PFKP: variants seen among roughly 807,000 people sequenced by gnomAD.
The protein encoded by PFKP is ATP-dependent 6-phosphofructokinase, platelet type.
PFKP carries 101 observed loss-of-function variants against 94.3 expected under a neutral mutation model. The observed-to-expected ratio is 1.07, with a 90% CI of 0.91 to 1.26. PFKP has a LOEUF of 1.26. Among genes scored for constraint, PFKP ranks in the 50% most tolerant of loss-of-function variants. The pLI is 0.00. For missense variants in PFKP, 1,145 were observed against 1,103.3 expected (o/e 1.04, Z -0.53); for synonymous variants, 573 against 432.6 (o/e 1.32, Z -4.03).
chr10:3,119,772 G>GT, intron 15 of PFKP, 120 bp from the exon 16 acceptor site: 2 of 622,150 alleles, frequency 3.2e-6, no homozygotes, highest in Admixed American at 3.6e-5. Flanking sequence ...GAGTGTTTTC[G>GT]TGATGCCCCA....
At chr10:3,107,402 T>A in intron 8 of PFKP, 93 bp downstream of exon 8, 1 of 733,402 alleles carries the variant, frequency 1.4e-6, no homozygotes, top group Non-Finnish European at 2.3e-6. Flanking sequence ...AACATTGAAT[T>A]ATTAACTTTT....
rs1248319417 is a variant in PFKP, at chr10:3,130,061, G to T, written c.1848+78G>T. On this transcript the variant is annotated intron_variant, in intron 17 of 21. Coordinates refer to ENST00000381125, the MANE Select transcript of PFKP (RefSeq NM_002627.5). ...TGCGGAGTGAATCATCGTGTCTAGGGTGGTTTGCTTTCCAAGGGGCATGGA... is the reference window on the plus strand; with the variant it reads ...TGCGGAGTGAATCATCGTGTCTAGGTTGGTTTGCTTTCCAAGGGGCATGGA... 2.0e-5 allele frequency: 28 copies of T among 1,380,204 alleles called. No individual in the cohort carries two copies. In the East Asian group the frequency reaches 6.3e-4, roughly 31 times the overall value. The allele number at this position is 1,380,204 out of a possible 1,614,324, so 85.5% of individuals were successfully genotyped here.
chr10:3,075,284 AGGGTCAGTTTAT>A (rs1832491077), intron 1 of PFKP, among the ~76,000 whole-genome samples: 2 of 151,944 alleles, frequency 1.3e-5, no homozygotes, highest in Non-Finnish European at 2.9e-5. Context: ...GGCCAGTTTT[AGGGTCAGTTTAT>A]GGCCAGATTT....
intron 16 of PFKP, among the ~76,000 whole-genome samples, 164 bp downstream of exon 16, chr10:3,120,208 A>AATTC (rs1837260600): frequency 6.6e-6 from 1 of 152,108 alleles, no homozygotes. Context: ...AAGACTCTGA[A>AATTC]AATTTTTGAT....
At chr10:3,108,902 A>G (rs917044997) in intron 9 of PFKP, 109 bp downstream of exon 9, 2 of 810,010 alleles carry the variant, frequency 2.5e-6, no homozygotes, top group African/African-American at 3.4e-5. Context: ...TCCCCGAGAG[A>G]TGCCCGCGGC....
chr10:3,076,855 G>GC (rs1176914963), intron 1 of PFKP, among the ~76,000 whole-genome samples: 7 of 152,114 alleles, frequency 4.6e-5, no homozygotes, highest in African/African-American at 7.2e-5. Flanking sequence ...GGTCAGAGAG[G>GC]CCCCCCAGTT....
At position 3,136,445 on chromosome 10, in the gene PFKP, C is replaced by T. The variant is rs376489768; in HGVS notation, c.2226-5C>T. On this transcript the variant is annotated splice_region_variant and splice_polypyrimidine_tract_variant and intron_variant, in intron 21 of 21. Coordinates refer to ENST00000381125, the MANE Select transcript of PFKP (RefSeq NM_002627.5). ...CCTCACTGCTGTCTCCTCTTACCTC[C>T]ACAGGCACAGGATTCCCAAAGAACA... is the stretch of plus-strand genomic sequence containing the variant. 19 of 1,613,482 alleles carry T rather than the reference C, an allele frequency of 1.2e-5. No homozygotes were observed. The highest frequency in any genetic ancestry group is 2.2e-5 in the East Asian group (1 of 44,858).
chr10:3,079,424 C>CG (rs1286613452), intron 1 of PFKP, among the ~76,000 whole-genome samples: 3 of 151,860 alleles, frequency 2.0e-5, no homozygotes, highest in Admixed American at 6.6e-5. Context: ...TTAGTAGAGA[C>CG]GGGGTTTCAC....
intron 8 of PFKP, chr10:3,107,617 T>G: frequency 1.6e-5 from 6 of 367,452 alleles, no homozygotes; most frequent in Non-Finnish European, 2.3e-5. Context: ...CTCTTAAACA[T>G]GAGCTGCTCT....
rs774858682 is a variant in PFKP, at chr10:3,113,165, C to G, written c.1201C>G (p.Leu401Val). The G allele has an allele frequency of 6.2e-7, 1 of 1,612,864 alleles. No individual in the cohort carries two copies. ...LNTYKRLAIK[L>V]PDDQIPKTNC... ...CACCTACAAGCGACTTGCCATCAAG[C>G]TGCCGGATGATCAGATCCCAAAGGT... Residue 401 changes from leucine to valine, a missense_variant, in exon 12 of 22, where the codon CTG becomes GTG. Leu to Val is a conservative substitution (Grantham distance 32). Coordinates refer to ENST00000381125, the MANE Select transcript of PFKP (RefSeq NM_002627.5).
rs35828349 is a variant in PFKP, at chr10:3,133,272, C to T, written c.1980C>T (p.Gly660=). 8.1e-4 allele frequency: 1,313 copies of T among 1,613,932 alleles called. 6 individuals carry two copies. The African/African-American group carries it at 0.014, about 18-fold the overall frequency. Residue 660 remains glycine (G), a synonymous_variant, in exon 19 of 22, where the codon GGC becomes GGT. Coordinates refer to ENST00000381125, the MANE Select transcript of PFKP (RefSeq NM_002627.5). ...AGCTGTATTCAGAAGAGGGCAAAGG[C>T]GTGTTTGACTGCAGGAAGAACGTGC... The part of the protein sequence containing the change: ...IYQLYSEEGK[G]VFDCRKNVLG...
In PFKP at chr10:3,129,888, G is replaced by A. The variant is rs369442050; in HGVS notation, c.1753G>A (p.Gly585Ser). ...RRVFIIETMGGYCGYLANMGG... is the reference protein window; with the variant it reads ...RRVFIIETMGSYCGYLANMGG... ...CGTGTTCATCATCGAGACCATGGGC[G>A]GCTACTGTGGCTACCTGGCCAACAT... Residue 585 changes from glycine to serine, a missense_variant, in exon 17 of 22, where the codon GGC (glycine) becomes AGC (serine). Gly to Ser is a moderately conservative substitution (Grantham distance 56). This residue lies in a region of PFKP where 1,119 missense variants were observed against 1,062.8 expected (regional missense o/e 1.05). Transcript: ENST00000381125. 6.2e-6 allele frequency: 10 copies of A among 1,613,402 alleles called. No individual in the cohort carries two copies. Among genetic ancestry groups the A allele is most frequent in the Admixed American group, 5.0e-5 (3 of 59,974 alleles).
chr10:3,080,753 AAG>A (rs1833005906), intron 1 of PFKP, among the ~76,000 whole-genome samples: 1 of 152,182 alleles, frequency 6.6e-6, no homozygotes, highest in South Asian at 2.1e-4. Flanking sequence ...AAGCAAATGA[AAG>A]AGAAAAAGCT....
chr10:3,079,536 A>G (rs1355909964), intron 1 of PFKP, among the ~76,000 whole-genome samples: 3 of 151,736 alleles, frequency 2.0e-5, no homozygotes, highest in African/African-American at 7.3e-5. Context: ...GCCCAGCCTC[A>G]TGTCCAGCTT....
intron 10 of PFKP, among the ~76,000 whole-genome samples, chr10:3,111,781 C>A (rs1836260132): frequency 6.6e-6 from 1 of 152,172 alleles, no homozygotes; most frequent in African/African-American, 2.4e-5. Flanking sequence ...CCCCCGCCCG[C>A]TGTGACCTCG....
At chr10:3,129,615 A>G (rs1838324672) in intron 16 of PFKP, 4 of 579,810 alleles carry the variant, frequency 6.9e-6, no homozygotes, top group Non-Finnish European at 1.2e-5. Flanking sequence ...GGTGGCTGCC[A>G]TGGTGGGGTT....
chr10:3,091,151 G>A (rs1000338956), intron 2 of PFKP, among the ~76,000 whole-genome samples: 8 of 152,018 alleles, frequency 5.3e-5, no homozygotes, highest in African/African-American at 7.2e-5. Flanking sequence ...AGGGAGACTC[G>A]GGGAGGGTTT....
chr10:3,097,293 T>C (rs1318561893), intron 2 of PFKP, among the ~76,000 whole-genome samples: 1 of 151,874 alleles, frequency 6.6e-6, no homozygotes, highest in Non-Finnish European at 1.5e-5. Context: ...GGACAGAGCA[T>C]CCGCAGCAGG....
chr10:3,103,511 T>A (rs1835221637), intron 4 of PFKP, among the ~76,000 whole-genome samples: 1 of 152,122 alleles, frequency 6.6e-6, no homozygotes, highest in African/African-American at 2.4e-5. Flanking sequence ...CAGGCATAGT[T>A]CTAGCTTCTC....
Sources: allele counts gnomAD v4.1 joint callset (sites outside exome capture counted in the v4.1 genomes callset), GRCh38; gene constraint gnomAD v4.1.1; regional missense constraint gnomAD v4.1.1; transcripts MANE v1.5; gene names NCBI Gene and HGNC (gene_info 2026-07-23, HGNC 2026-07-21).